Variants in RHOG observed in about 807,000 individuals in gnomAD.
The protein encoded by RHOG is rho-related GTP-binding protein RhoG.
Under a neutral mutation model 12.3 loss-of-function variants are expected in RHOG, and 1 was observed. The ratio of observed to expected loss-of-function variants is 0.08; its 90% CI spans 0.03 to 0.39. The LOEUF (loss-of-function observed/expected upper bound fraction) is 0.39. Ranked by LOEUF, RHOG falls within the 10% of genes least tolerant of loss-of-function variation. The pLI, the probability that RHOG is intolerant of heterozygous loss-of-function variation, is 0.99. For missense variants in RHOG, 114 were observed against 266.2 expected, an observed-to-expected ratio of 0.43 and a Z score of 3.98; for synonymous variants, 129 against 116.0, an observed-to-expected ratio of 1.11 and a Z score of -0.72.
chr11:3,838,731 C>G (rs1344460181), intron 1 of RHOG, among the ~76,000 whole-genome samples: 1 of 151,942 alleles, frequency 6.6e-6, no homozygotes, highest in Non-Finnish European at 1.5e-5. Context: ...CTCTTTTTTT[C>G]TAGTGGAGAG....
At position 3,827,991 on chromosome 11, in the gene RHOG, T is replaced by C. The variant is rs1349698242; in HGVS notation, c.148A>G (p.Thr50Ala). ...YSAQSAVDGRTVNLNLWDTAG... is the reference protein window; with the variant it reads ...YSAQSAVDGRAVNLNLWDTAG... ...GTGTCCCACAGGTTCAGGTTCACTGTGCGCCCGTCAACTGCGCTCTGCGCG... is the reference window on the plus strand; with the variant it reads ...GTGTCCCACAGGTTCAGGTTCACTGCGCGCCCGTCAACTGCGCTCTGCGCG... The change falls in exon 2 of 2, where the codon ACA becomes GCA. Residue 50 changes from threonine (T) to alanine (A), a missense_variant. Coordinates refer to ENST00000351018, the MANE Select transcript of RHOG (RefSeq NM_001665.4). The surrounding 1 kb of genome is among the most constrained non-coding windows in gnomAD (Gnocchi z 7.3). The C allele has an allele frequency of 6.2e-7, 1 of 1,614,296 alleles. No individual in the cohort carries two copies. Among genetic ancestry groups the C allele is most frequent in the Non-Finnish European group, 8.5e-7 (1 of 1,180,056 alleles).
Position 3,827,886 on chromosome 11 carries a change from C to T in RHOG, c.253G>A (p.Ala85Thr). 1 of 1,614,212 alleles carries T rather than the reference C, an allele frequency of 6.2e-7. No individual in the cohort carries two copies. Among genetic ancestry groups the T allele is most frequent in the Non-Finnish European group, 8.5e-7 (1 of 1,180,038 alleles). The part of the protein sequence containing the change: ...TNVFVICFSI[A>T]SPPSYENVRH... ...ACGTTCTCATAGGACGGCGGACTGG[C>T]AATGGAGAAACAGATGACGAAAACG... The change falls in exon 2 of 2, where the codon GCC (alanine) becomes ACC (threonine). Residue 85 changes from alanine (A) to threonine (T), a missense_variant. Around this residue, in one of 2 missense-constraint regions of RHOG, gnomAD observed 53 missense variants for 164.8 expected, o/e 0.32. Coordinates refer to ENST00000351018, the MANE Select transcript of RHOG (RefSeq NM_001665.4). The surrounding 1 kb of genome is among the most constrained non-coding windows in gnomAD (Gnocchi z 7.3).
chr11:3,835,401 C>T (rs1043289562), intron 1 of RHOG, among the ~76,000 whole-genome samples: 24 of 152,178 alleles, frequency 1.6e-4, no homozygotes, highest in African/African-American at 5.8e-4. Context: ...ATTGACCGTA[C>T]TTTTCATTGT....
Position 3,827,344 on chromosome 11 carries a change from GA to G in RHOG, c.*218del. The G allele has an allele frequency of 3.4e-6, 2 of 583,864 alleles. No homozygotes were observed. Among genetic ancestry groups the G allele is most frequent in the South Asian group, 4.2e-5 (2 of 47,180 alleles). The allele number at this position is 583,864 out of a possible 1,614,324, so 36.2% of individuals were successfully genotyped here. A position where few individuals can be genotyped will look rare whatever the true frequency, so the allele number is the denominator to read the frequency against. The stretch of plus-strand genomic sequence containing the variant: ...AACCTTGGCTTGGATGAGCTCATGA[GA>G]ATACCCAGTGTTCCCAAGCAGAGGG... On this transcript the variant is annotated 3_prime_UTR_variant, in exon 2 of 2. Transcript: ENST00000351018. This position sits in a 1 kb window ranked among gnomAD's most constrained non-coding sequence, Gnocchi z 7.3.
At chr11:3,829,301 G>A (rs905887785) in intron 1 of RHOG, among the ~76,000 whole-genome samples, 7 of 144,844 alleles carry the variant, frequency 4.8e-5, no homozygotes, top group Non-Finnish European at 8.9e-5. Context: ...CGTCCAGGCT[G>A]GAGTGCAGTG....
At chr11:3,839,799 G>A (rs568767886) in intron 1 of RHOG, among the ~76,000 whole-genome samples, 3 of 152,278 alleles carry the variant, frequency 2.0e-5, no homozygotes, top group South Asian at 4.1e-4. Flanking sequence ...CAGGCTGAGG[G>A]TTCAAAAGGA....
At chr11:3,840,203 A>C (rs2090182563) in intron 1 of RHOG, among the ~76,000 whole-genome samples, 1 of 152,162 alleles carries the variant, frequency 6.6e-6, no homozygotes, top group Admixed American at 6.5e-5. Flanking sequence ...AGTTACTCCC[A>C]AAAGAGCAAG....
intron 1 of RHOG, among the ~76,000 whole-genome samples, chr11:3,834,654 G>A (rs1458686123): frequency 6.6e-6 from 1 of 152,264 alleles, no homozygotes. Flanking sequence ...AGCCCGGCTT[G>A]TACCCAGTGG....
chr11:3,828,356 A>G (rs2090102143), intron 1 of RHOG, 150 bp from the exon 2 acceptor site: 1 of 584,974 alleles, frequency 1.7e-6, no homozygotes, highest in Non-Finnish European at 3.0e-6. Context: ...AGAAAGACAC[A>G]CAATGAAAGG....
chr11:3,831,723 G>A (rs1388062152), intron 1 of RHOG, among the ~76,000 whole-genome samples: 2 of 152,304 alleles, frequency 1.3e-5, no homozygotes, highest in African/African-American at 4.8e-5. Context: ...GGAGGCAGGG[G>A]GCATTATTTG....
intron 1 of RHOG, chr11:3,830,705 A>G (rs897669404): frequency 3.9e-5 from 6 of 152,110 alleles, no homozygotes; most frequent in Admixed American, 3.9e-4. Context: ...GAAGATGTCC[A>G]GCATGAGGTA....
chr11:3,828,204 G>C lies in RHOG; in HGVS notation c.-66C>G. The C allele has an allele frequency of 7.1e-7, 1 of 1,407,984 alleles. No homozygotes were observed. Among genetic ancestry groups the C allele is most frequent in the Non-Finnish European group, 9.8e-7 (1 of 1,020,568 alleles). The allele number at this position is 1,407,984 out of a possible 1,614,324, so 87.2% of individuals were successfully genotyped here. On this transcript the variant is annotated splice_region_variant and 5_prime_UTR_variant, in exon 2 of 2. Coordinates refer to ENST00000351018, the MANE Select transcript of RHOG (RefSeq NM_001665.4). ...TCTTCTGGACCCCTCTGGCTGCAGT[G>C]ACCTGTGGACAGATGAAAGGGGACA...
At chr11:3,828,338 C>T (rs867247072) in intron 1 of RHOG, 132 bp from the exon 2 acceptor site, 40 of 589,548 alleles carry the variant, frequency 6.8e-5, no homozygotes, top group Middle Eastern at 8.9e-4. Context: ...CCCATCAAGA[C>T]GGTCATCAGA....
At chr11:3,833,718 G>T (rs2090142565) in intron 1 of RHOG, among the ~76,000 whole-genome samples, 1 of 152,190 alleles carries the variant, frequency 6.6e-6, no homozygotes. Context: ...TGTATAATAT[G>T]TGCACAATGT....
At position 3,828,079 on chromosome 11, in the gene RHOG, G is replaced by A; in HGVS notation, c.60C>T (p.Leu20=). The stretch of plus-strand genomic sequence containing the variant: ...GGAAAGCGTTAGTTGTGTAGCAGAT[G>A]AGCAGGCACGTCTTGCCCACAGCCC... ...GDGAVGKTCL[L]ICYTTNAFPK... Residue 20 remains leucine (L), a synonymous_variant, in exon 2 of 2, where the codon CTC becomes CTT. Transcript: ENST00000351018. The A allele has an allele frequency of 1.9e-6, 3 of 1,614,262 alleles. No homozygotes were observed. The highest frequency in any genetic ancestry group is 2.2e-5 in the South Asian group (2 of 91,088).
intron 1 of RHOG, among the ~76,000 whole-genome samples, chr11:3,834,151 G>A (rs1053823169): frequency 1.3e-5 from 2 of 152,168 alleles, no homozygotes; most frequent in African/African-American, 2.4e-5. Flanking sequence ...TTGAACACCT[G>A]GCCTCAAGTG....
chr11:3,835,797 G>C (rs1428598655), intron 1 of RHOG, among the ~76,000 whole-genome samples: 1 of 152,188 alleles, frequency 6.6e-6, no homozygotes, highest in Non-Finnish European at 1.5e-5. Flanking sequence ...GACATGGCAA[G>C]GGACAGGGGC....
At chr11:3,840,544 CA>C (rs2090186366) in intron 1 of RHOG, 1 of 150,056 alleles carries the variant, frequency 6.7e-6, no homozygotes, top group Non-Finnish European at 1.5e-5. Flanking sequence ...ACACCCCCCC[CA>C]CCAACTTCTG....
At chr11:3,828,837 G>A (rs7928606) in intron 1 of RHOG, among the ~76,000 whole-genome samples, 24,275 of 151,412 alleles carry the variant, frequency 0.16, 2,114 homozygotes, top group Middle Eastern at 0.27. Context: ...GGCCAGGATG[G>A]TCTCGATCTC....
Sources: allele counts gnomAD v4.1 joint callset (sites outside exome capture counted in the v4.1 genomes callset), GRCh38; gene constraint gnomAD v4.1.1; regional missense constraint gnomAD v4.1.1; non-coding constraint Gnocchi (gnomAD v3.1); transcripts MANE v1.5; gene names NCBI Gene and HGNC (gene_info 2026-07-23, HGNC 2026-07-21).